Variants in DPP6 observed in about 807,000 individuals in gnomAD.
DPP6 encodes dipeptidyl peptidase like 6.
A neutral mutation model predicts 122.6 loss-of-function variants in DPP6; 69 were observed. The observed-to-expected ratio is 0.56, with a 90% CI of 0.46 to 0.69. The LOEUF (loss-of-function observed/expected upper bound fraction) is 0.69, where lower values mean the gene tolerates loss of function less well. Among genes scored for constraint, DPP6 ranks in the 30% least tolerant of loss-of-function variants. The pLI is 0.00. For missense variants in DPP6, 928 were observed against 1,116.9 expected (o/e 0.83, Z 2.41); for synonymous variants, 418 against 433.1 (o/e 0.97, Z 0.43).
chr7:153,786,724 G>A, the DPP6 span, among the ~76,000 whole-genome samples: 9 of 125,990 alleles, frequency 7.1e-5, no homozygotes, highest in Non-Finnish European at 1.5e-4. Flanking sequence ...GGGCGACAGA[G>A]CGAGACTCCG....
intron 7 of DPP6, among the ~76,000 whole-genome samples, chr7:154,690,929 A>G (rs894171267): frequency 6.6e-6 from 1 of 152,236 alleles, no homozygotes; most frequent in Non-Finnish European, 1.5e-5. Flanking sequence ...TGGTGATGCC[A>G]CTGTCTTACC....
At chr7:154,356,418 C>G (rs1474161134) in intron 1 of DPP6, among the ~76,000 whole-genome samples, 1 of 152,124 alleles carries the variant, frequency 6.6e-6, no homozygotes. Flanking sequence ...AAAGTTCTAA[C>G]TTGGTCTGGC....
At chr7:154,435,150 A>C (rs767409622) in intron 1 of DPP6, among the ~76,000 whole-genome samples, 5 of 152,102 alleles carry the variant, frequency 3.3e-5, no homozygotes, top group Non-Finnish European at 7.4e-5. Flanking sequence ...AATTTCATTT[A>C]AATTGTGGAT....
intron 1 of DPP6, among the ~76,000 whole-genome samples, chr7:154,360,752 A>C (rs1389428269): frequency 6.6e-6 from 1 of 152,220 alleles, no homozygotes; most frequent in African/African-American, 2.4e-5. Flanking sequence ...GAGATAAATA[A>C]GTACAGAGTT....
intron 1 of DPP6, among the ~76,000 whole-genome samples, chr7:153,943,473 T>C (rs1478366019): frequency 6.6e-6 from 1 of 152,144 alleles, no homozygotes; most frequent in African/African-American, 2.4e-5. Context: ...TTTTTGTCCT[T>C]CTCCATTTGC....
chr7:154,153,330 C>T (rs967555053), intron 1 of DPP6, among the ~76,000 whole-genome samples: 1 of 152,114 alleles, frequency 6.6e-6, no homozygotes, highest in Non-Finnish European at 1.5e-5. Context: ...GGATTACAGG[C>T]ATGCACCACC....
chr7:153,833,240 C>A, the DPP6 span, among the ~76,000 whole-genome samples: 150 of 152,324 alleles, frequency 9.8e-4, no homozygotes, highest in Middle Eastern at 3.4e-3. Flanking sequence ...AACTAATCTC[C>A]TAAATAGATC....
At chr7:154,119,532 C>T (rs1158690493) in intron 1 of DPP6, among the ~76,000 whole-genome samples, 1 of 151,468 alleles carries the variant, frequency 6.6e-6, no homozygotes, top group African/African-American at 2.4e-5. Context: ...GGATCTCGGG[C>T]TGGTGTCATC....
intron 2 of DPP6, among the ~76,000 whole-genome samples, chr7:154,471,010 G>A (rs918564867): frequency 2.0e-5 from 3 of 152,132 alleles, no homozygotes; most frequent in African/African-American, 7.2e-5. Flanking sequence ...CAGCACTTTG[G>A]GAGGCTGAGG....
At chr7:153,903,874 CCT>C (rs1452106515) in intron 1 of DPP6, among the ~76,000 whole-genome samples, 1 of 152,114 alleles carries the variant, frequency 6.6e-6, no homozygotes, top group African/African-American at 2.4e-5. Context: ...GCAACTGGGC[CCT>C]GTCTCCTACA....
intron 1 of DPP6, among the ~76,000 whole-genome samples, chr7:154,263,689 T>G (rs920219079): frequency 5.9e-5 from 9 of 152,006 alleles, no homozygotes; most frequent in Non-Finnish European, 1.3e-4. Flanking sequence ...TTTATTATTA[T>G]TATTATTATT....
chr7:154,470,039 G>A (rs1196662028), intron 2 of DPP6, among the ~76,000 whole-genome samples: 2 of 152,184 alleles, frequency 1.3e-5, no homozygotes, highest in African/African-American at 2.4e-5. Flanking sequence ...TGTTGGTAAG[G>A]AAGCAAACAA....
At chr7:154,783,690 A>G (rs186610058) in intron 10 of DPP6, among the ~76,000 whole-genome samples, 3 of 152,320 alleles carry the variant, frequency 2.0e-5, no homozygotes, top group African/African-American at 7.2e-5. Flanking sequence ...CTCGAGAGAC[A>G]GTCTTACTCG....
intron 1 of DPP6, among the ~76,000 whole-genome samples, chr7:154,129,536 G>A (rs1563228398): frequency 1.3e-5 from 2 of 152,200 alleles, no homozygotes; most frequent in Admixed American, 6.5e-5. Flanking sequence ...GCTGAGATAG[G>A]CGGATTGCTT....
chr7:154,588,037 A>G (rs758026868), intron 5 of DPP6: 5 of 1,611,718 alleles, frequency 3.1e-6, no homozygotes, highest in South Asian at 2.2e-5. Flanking sequence ...CCCGGGGATA[A>G]TGCACAGCAG....
At chr7:154,382,731 TTTTG>T (rs1022075051) in intron 1 of DPP6, among the ~76,000 whole-genome samples, 44 of 152,272 alleles carry the variant, frequency 2.9e-4, no homozygotes, top group African/African-American at 8.9e-4. Flanking sequence ...TAGTATTCCT[TTTTG>T]TTTGTTTGTT....
At chr7:153,846,262 A>G in the DPP6 span, among the ~76,000 whole-genome samples, 234 of 152,288 alleles carry the variant, frequency 1.5e-3, 2 homozygotes, top group Non-Finnish European at 6.2e-4. Context: ...TTTTCAAATT[A>G]ATTATTCCCA....
At chr7:154,015,604 G>A (rs1798366851) in intron 1 of DPP6, among the ~76,000 whole-genome samples, 1 of 152,118 alleles carries the variant, frequency 6.6e-6, no homozygotes, top group Non-Finnish European at 1.5e-5. Flanking sequence ...CAACCCAGGT[G>A]CTCAAGCCAC....
intron 1 of DPP6, among the ~76,000 whole-genome samples, chr7:154,250,869 A>C (rs1030807416): frequency 6.6e-6 from 1 of 152,168 alleles, no homozygotes; most frequent in Non-Finnish European, 1.5e-5. Flanking sequence ...ATCAGATCCA[A>C]AATTCCAAAG....
Sources: gnomAD v4.1 joint callset for allele counts (sites outside exome capture counted in the v4.1 genomes callset) on GRCh38, gnomAD v4.1.1 for gene constraint, MANE v1.5 for transcripts, NCBI Gene and HGNC (gene_info 2026-07-23, HGNC 2026-07-21) for gene names.